Variants in CORO2B observed in about 807,000 individuals in gnomAD.
The protein encoded by CORO2B is coronin-2B.
In CORO2B, 26 loss-of-function variants were observed where a neutral mutation model predicts 58.8. The ratio of observed to expected loss-of-function variants is 0.44; its 90% confidence interval spans 0.32 to 0.61. The LOEUF is 0.61. CORO2B is among the 20% of genes least tolerant of loss of function. The pLI is 0.04. For synonymous variants in CORO2B, 242 were observed against 253.8 expected, an observed-to-expected ratio of 0.95 and a Z score of 0.44; for missense variants, 460 against 645.1, an observed-to-expected ratio of 0.71 and a Z score of 3.11.
chr15:68,557,048 G>A, the CORO2B span, among the ~76,000 whole-genome samples: 12 of 152,208 alleles, frequency 7.9e-5, no homozygotes, highest in Non-Finnish European at 1.6e-4. Context: ...GGTAGAGATG[G>A]CTATTGCTGG....
chr15:68,589,888 C>T (rs1899656183), intron 1 of CORO2B, among the ~76,000 whole-genome samples: 1 of 152,234 alleles, frequency 6.6e-6, no homozygotes, highest in African/African-American at 2.4e-5. Context: ...TTCTGCTCAA[C>T]CATCAGGCTG....
At chr15:68,548,696 G>T in the CORO2B span, among the ~76,000 whole-genome samples, 2 of 152,240 alleles carry the variant, frequency 1.3e-5, no homozygotes, top group African/African-American at 4.8e-5. Context: ...GCATATGAGA[G>T]TATTAATGTC....
intron 8 of CORO2B, 45 bp from the exon 9 acceptor site, chr15:68,718,653 C>A (rs567208499): frequency 6.7e-7 from 1 of 1,498,940 alleles, no homozygotes; most frequent in Non-Finnish European, 9.3e-7. Context: ...GTCACTGAGA[C>A]GCAGTTTCTG....
intron 1 of CORO2B, among the ~76,000 whole-genome samples, chr15:68,644,222 A>G (rs1901349393): frequency 6.6e-6 from 1 of 152,220 alleles, no homozygotes. Flanking sequence ...CGCCTCATGT[A>G]GTGACTCAGC....
chr15:68,627,707 A>G (rs1356195061), intron 1 of CORO2B, among the ~76,000 whole-genome samples: 2 of 151,918 alleles, frequency 1.3e-5, no homozygotes, highest in Non-Finnish European at 2.9e-5. Flanking sequence ...ACCCTCTATG[A>G]TTGTATTAGG....
Position 68,714,051 on chromosome 15 carries a change from G to C in CORO2B, c.765+10G>C, listed in dbSNP as rs575833365. On this transcript the variant is annotated intron_variant, in intron 6 of 11. Coordinates refer to ENST00000261861, the MANE Select transcript of CORO2B (RefSeq NM_006091.5). ...TGCCCTCTGGGACCAGGTCAGCCAC[G>C]GGGAGGCCTGCTGGGTTTGGGCTAA... 1.3e-6 allele frequency: 2 copies of C among 1,579,626 alleles called. No individual in the cohort carries two copies. Among genetic ancestry groups the C allele is most frequent in the Admixed American group, 1.7e-5 (1 of 59,810 alleles).
chr15:68,705,434 C>CT (rs1247592320), intron 3 of CORO2B, among the ~76,000 whole-genome samples: 3 of 71,160 alleles, frequency 4.2e-5, no homozygotes, highest in African/African-American at 1.8e-4. Context: ...GAAACTCTAT[C>CT]TCAAAAAAAA....
At chr15:68,562,762 G>A in the CORO2B span, among the ~76,000 whole-genome samples, 2 of 151,554 alleles carry the variant, frequency 1.3e-5, no homozygotes, top group Non-Finnish European at 1.5e-5. Flanking sequence ...GTCACGAGGG[G>A]TCAGGAGATC....
chr15:68,696,086 TA>T (rs57017874), intron 3 of CORO2B, among the ~76,000 whole-genome samples: 132,120 of 144,084 alleles, frequency 0.92, 60,848 homozygotes, highest in East Asian at 1. Flanking sequence ...AAAATTGAAT[TA>T]AAAAAAAAAA....
chr15:68,711,489 C>T, intron 4 of CORO2B, 53 bp from the exon 5 acceptor site: 2 of 1,551,328 alleles, frequency 1.3e-6, no homozygotes, highest in Admixed American at 1.8e-5. Context: ...GGGACAAACA[C>T]CCCAGGACCC....
At chr15:68,586,465 G>A (rs1318415786) in intron 1 of CORO2B, among the ~76,000 whole-genome samples, 2 of 152,138 alleles carry the variant, frequency 1.3e-5, no homozygotes, top group Admixed American at 1.3e-4. Flanking sequence ...GGATGAATGG[G>A]CAAACGTCAG....
chr15:68,726,148 T>C lies in CORO2B; in HGVS notation c.*174T>C. ...GCCAACCTCTAACCTCCTGACCTCA[T>C]GCTAATAAAAGTCCCCAGCTTCTGG... is the stretch of plus-strand genomic sequence containing the variant. On this transcript the variant is annotated 3_prime_UTR_variant, in exon 12 of 12. Transcript: ENST00000261861. The C allele has an allele frequency of 2.5e-6, 2 of 800,770 alleles. No individual in the cohort carries two copies. The highest frequency in any genetic ancestry group is 3.9e-6 in the Non-Finnish European group (2 of 519,374). 49.6% of individuals were successfully genotyped at this position (800,770 alleles called of 1,614,324 possible).
chr15:68,643,676 C>T (rs187997463), intron 1 of CORO2B, among the ~76,000 whole-genome samples: 2 of 152,268 alleles, frequency 1.3e-5, no homozygotes, highest in East Asian at 3.9e-4. Context: ...TGGGATTCTC[C>T]TTCTGGATTC....
At chr15:68,527,394 C>T in the CORO2B span, among the ~76,000 whole-genome samples, 1 of 151,970 alleles carries the variant, frequency 6.6e-6, no homozygotes, top group Non-Finnish European at 1.5e-5. Flanking sequence ...ATTTTTTCCT[C>T]ATATGAATAT....
chr15:68,616,649 G>A (rs751925800), intron 1 of CORO2B: 67 of 978,222 alleles, frequency 6.8e-5, no homozygotes, highest in East Asian at 1.1e-4. Flanking sequence ...GGGCCCCAGC[G>A]CAAGCAGGCA....
At chr15:68,651,156 G>C (rs1192629579) in intron 2 of CORO2B, among the ~76,000 whole-genome samples, 1 of 152,226 alleles carries the variant, frequency 6.6e-6, no homozygotes, top group Non-Finnish European at 1.5e-5. Context: ...GCAGGACCCC[G>C]AGTCTGGGGA....
chr15:68,612,053 G>A (rs1900260742), intron 1 of CORO2B, among the ~76,000 whole-genome samples: 1 of 152,196 alleles, frequency 6.6e-6, no homozygotes, highest in Admixed American at 6.5e-5. Flanking sequence ...CTATAGGCAG[G>A]AGCCACTGCA....
At chr15:68,563,729 A>G in the CORO2B span, among the ~76,000 whole-genome samples, 1 of 152,102 alleles carries the variant, frequency 6.6e-6, no homozygotes, top group East Asian at 1.9e-4. Flanking sequence ...TACAGAAAGA[A>G]AAAAGATTAT....
Position 68,611,860 on chromosome 15 carries a change from C to T in CORO2B, c.15+32583C>T, listed in dbSNP as rs201411215. ...GATCTCAGCTCACTGCAGCCTCAACCTCCCAGGCTCAAGTGATCCTCCCAC... is the reference window on the plus strand; with the variant it reads ...GATCTCAGCTCACTGCAGCCTCAACTTCCCAGGCTCAAGTGATCCTCCCAC... On this transcript the variant is annotated intron_variant, in intron 1 of 11. Coordinates refer to ENST00000261861, the MANE Select transcript of CORO2B (RefSeq NM_006091.5). 5.5e-4 allele frequency among the ~76,000 whole-genome samples: 84 copies of T among 152,132 alleles called. No homozygotes were observed. In the East Asian group the frequency reaches 9.3e-3, roughly 17 times the overall value.
Sources: gnomAD v4.1 joint callset for allele counts (sites outside exome capture counted in the v4.1 genomes callset) on GRCh38, gnomAD v4.1.1 for gene constraint, MANE v1.5 for transcripts, NCBI Gene and HGNC (gene_info 2026-07-23, HGNC 2026-07-21) for gene names.